Variants in PLA2R1 observed in about 807,000 individuals in gnomAD.
PLA2R1 encodes the protein phospholipase A2 receptor 1.
In PLA2R1, 158 loss-of-function variants were observed where a neutral mutation model predicts 195.9. That is an observed-to-expected ratio of 0.81 (90% confidence interval 0.71 to 0.92). PLA2R1 has a LOEUF of 0.92. PLA2R1 is among the 40% of genes least tolerant of loss of function. The pLI, the probability that PLA2R1 is intolerant of heterozygous loss-of-function variation, is 0.00. For missense variants in PLA2R1, 1,626 were observed against 1,764.6 expected (o/e 0.92, Z 1.41); for synonymous variants, 586 against 598.2 (o/e 0.98, Z 0.30).
At chr2:160,043,131 AG>A (rs143800896) in intron 2 of PLA2R1, among the ~76,000 whole-genome samples, 1 of 152,162 alleles carries the variant, frequency 6.6e-6, no homozygotes, top group Non-Finnish European at 1.5e-5. Context: ...GTGCACATAG[AG>A]CTGTCTCCCC....
chr2:160,053,443 C>A (rs565226971), intron 1 of PLA2R1, among the ~76,000 whole-genome samples: 1 of 151,880 alleles, frequency 6.6e-6, no homozygotes, highest in Non-Finnish European at 1.5e-5. Context: ...AATGAAAATA[C>A]GTGGTTTTGG....
In PLA2R1 at chr2:159,935,269, G is replaced by A. The variant is rs1178669406; in HGVS notation, c.*6509C>T. ...GATTATTTTGGGGAAAATACTCTAA[G>A]GTTATGCAAATATTCTGTTTTTCCT... On this transcript the variant is annotated 3_prime_UTR_variant, in exon 30 of 30. Transcript: ENST00000283243. 2 of 152,104 alleles carry A rather than the reference G, an allele frequency of 1.3e-5. No homozygotes were observed. The highest frequency in any genetic ancestry group is 2.9e-5 in the Non-Finnish European group (2 of 68,016). 9.4% of individuals were successfully genotyped at this position (152,104 alleles called of 1,614,324 possible).
chr2:159,930,729 G>A (rs1202699156), downstream of PLA2R1, among the ~76,000 whole-genome samples: 1 of 152,174 alleles, frequency 6.6e-6, no homozygotes, highest in Non-Finnish European at 1.5e-5. Context: ...CCACAGGGAT[G>A]TCCTTGGAAC....
chr2:159,983,816 A>C (rs970787277), intron 13 of PLA2R1, 112 bp downstream of exon 13: 1 of 570,086 alleles, frequency 1.8e-6, no homozygotes, highest in Non-Finnish European at 3.1e-6. Context: ...GGCTTTGGGC[A>C]TAATACAAAT....
intron 10 of PLA2R1, among the ~76,000 whole-genome samples, chr2:160,009,272 T>C (rs573941918): frequency 8.5e-5 from 13 of 152,350 alleles, no homozygotes; most frequent in African/African-American, 3.1e-4. Context: ...CATGGTAGCA[T>C]TAGTCACAAT....
chr2:159,985,560 C>T (rs931790906), intron 12 of PLA2R1, among the ~76,000 whole-genome samples: 6 of 152,046 alleles, frequency 3.9e-5, no homozygotes, highest in African/African-American at 1.4e-4. Flanking sequence ...TATATATACA[C>T]ACACATACAT....
At chr2:159,979,128 T>C (rs990111250) in intron 14 of PLA2R1, among the ~76,000 whole-genome samples, 1 of 152,172 alleles carries the variant, frequency 6.6e-6, no homozygotes, top group Admixed American at 6.5e-5. Context: ...AGTCTCCCCA[T>C]TTCACAGGTG....
chr2:159,952,606 C>T (rs1687814345), intron 23 of PLA2R1, among the ~76,000 whole-genome samples: 1 of 152,102 alleles, frequency 6.6e-6, no homozygotes, highest in Non-Finnish European at 1.5e-5. Flanking sequence ...ATTCCTGGCC[C>T]TAACTGGCTA....
chr2:160,018,927 G>A lies in PLA2R1; in HGVS notation c.1452+1179C>T, dbSNP rs183855629. Among the ~76,000 whole-genome samples, 255 of 152,272 alleles carry A rather than the reference G, an allele frequency of 1.7e-3. 1 individual carries two copies. Among genetic ancestry groups the A allele is most frequent in the Non-Finnish European group, 2.1e-3 (141 of 68,018 alleles). ...GTAACATTTAATAAACTGCCTCTTCGGAGAACCTGACAGAGTATCCTGGTG... is the reference window on the plus strand; with the variant it reads ...GTAACATTTAATAAACTGCCTCTTCAGAGAACCTGACAGAGTATCCTGGTG... On this transcript the variant is annotated intron_variant, in intron 8 of 29. Transcript: ENST00000283243.
intron 25 of PLA2R1, among the ~76,000 whole-genome samples, chr2:159,948,491 TC>T (rs896074869): frequency 1.8e-4 from 27 of 151,812 alleles, no homozygotes; most frequent in African/African-American, 6.3e-4. Flanking sequence ...TGCTTCTGCC[TC>T]CCAAAGTGCT....
chr2:159,970,081 G>T, intron 18 of PLA2R1, 67 bp downstream of exon 18: 2 of 1,022,412 alleles, frequency 2.0e-6, no homozygotes, highest in Non-Finnish European at 3.0e-6. Flanking sequence ...CACTAAAATT[G>T]AATCTAATCA....
At chr2:159,992,129 T>C (rs1356345441) in intron 11 of PLA2R1, among the ~76,000 whole-genome samples, 1 of 148,754 alleles carries the variant, frequency 6.7e-6, no homozygotes, top group East Asian at 2.0e-4. Flanking sequence ...GCACCTGTTG[T>C]TTCCTGACTT....
intron 2 of PLA2R1, among the ~76,000 whole-genome samples, chr2:160,043,198 T>A (rs1246825185): frequency 5.9e-5 from 9 of 151,666 alleles, no homozygotes; most frequent in East Asian, 1.9e-4. Context: ...CTCTTGCGGG[T>A]TTTGAATGGG....
chr2:159,972,719 A>T (rs1434474092), intron 17 of PLA2R1, among the ~76,000 whole-genome samples: 1 of 152,218 alleles, frequency 6.6e-6, no homozygotes, highest in Non-Finnish European at 1.5e-5. Context: ...ATGTCAGATA[A>T]GCAGACTAAT....
At chr2:160,028,449 A>G (rs1693656464) in intron 5 of PLA2R1, 88 bp from the exon 6 acceptor site, 5 of 922,594 alleles carry the variant, frequency 5.4e-6, no homozygotes, top group Non-Finnish European at 8.7e-6. Flanking sequence ...ATCGGGGGAC[A>G]GCGTTTCTAT....
rs753471041 is a variant in PLA2R1 at position 160,022,675 on chromosome 2, G to A, written c.1284C>T (p.Leu428=). The change falls in exon 7 of 30, where the codon CTC becomes CTT. Residue 428 remains leucine (L), a synonymous_variant. Transcript: ENST00000283243. ...SLAEVEFLVT[L]LGDENASETW... ...GCAGCTGGGACTCACCATCTCCAAG[G>A]AGGGTTACAAGAAACTCCACCTCTG... 6.3e-7 allele frequency: 1 copy of A among 1,587,240 alleles called. No homozygotes were observed. The highest frequency in any genetic ancestry group is 1.3e-5 in the African/African-American group (1 of 74,298).
chr2:160,005,742 C>CCTT lies in PLA2R1; in HGVS notation c.1743_1744insAAG (p.Gln581_Asp582insLys), dbSNP rs1249324676. 1 of 1,612,940 alleles carries CCTT rather than the reference C, an allele frequency of 6.2e-7. No individual in the cohort carries two copies. Among genetic ancestry groups the CCTT allele is most frequent in the Non-Finnish European group, 8.5e-7 (1 of 1,179,004 alleles). Reference sequence around the variant, plus strand: ...GTGTATTCTCCCGTATCATTTTGGTCCTGAAGAGCTATCCAAAAATAACTG... The same window carrying CCTT: ...GTGTATTCTCCCGTATCATTTTGGTCCTTCTGAAGAGCTATCCAAAAATAACTG... On this transcript the variant is annotated inframe_insertion, in exon 11 of 30. Coordinates refer to ENST00000283243, the MANE Select transcript of PLA2R1 (RefSeq NM_007366.5).
chr2:160,062,126 C>T (rs1180481118), intron 1 of PLA2R1, among the ~76,000 whole-genome samples, 169 bp downstream of exon 1: 1 of 151,846 alleles, frequency 6.6e-6, no homozygotes, highest in African/African-American at 2.4e-5. Context: ...GGCTGCAGGA[C>T]ACCACCCGCT....
intron 1 of PLA2R1, among the ~76,000 whole-genome samples, chr2:160,052,529 G>T (rs1194659342): frequency 2.6e-5 from 4 of 152,136 alleles, no homozygotes; most frequent in Non-Finnish European, 5.9e-5. Flanking sequence ...TATTTAACTG[G>T]AAAGTACTTA....
Sources: gnomAD v4.1 joint callset for allele counts (sites outside exome capture counted in the v4.1 genomes callset) on GRCh38, gnomAD v4.1.1 for gene constraint, MANE v1.5 for transcripts, NCBI Gene and HGNC (gene_info 2026-07-23, HGNC 2026-07-21) for gene names.